PIEZO2: variants seen among roughly 807,000 people sequenced by gnomAD.
PIEZO2 encodes piezo-type mechanosensitive ion channel component 2.
A neutral mutation model predicts 337.3 loss-of-function variants in PIEZO2; 172 were observed. The ratio of observed to expected loss-of-function variants is 0.51; its 90% CI spans 0.45 to 0.58. The LOEUF (loss-of-function observed/expected upper bound fraction) is 0.58. Ranked by LOEUF, PIEZO2 falls within the 20% of genes least tolerant of loss-of-function variation. The pLI is 0.00. For missense variants in PIEZO2, 3,028 were observed against 3,391.3 expected, an observed-to-expected ratio of 0.89 and a Z score of 2.66; for synonymous variants, 1,251 against 1,228.5, an observed-to-expected ratio of 1.02 and a Z score of -0.38.
intron 1 of PIEZO2, among the ~76,000 whole-genome samples, chr18:11,085,661 C>T (rs2038882747): frequency 6.6e-6 from 1 of 152,136 alleles, no homozygotes; most frequent in Non-Finnish European, 1.5e-5. Flanking sequence ...ATCTCCTAAC[C>T]TTCCTTCCTC....
rs556684656 is a variant in PIEZO2 at position 10,874,665 on chromosome 18, C to T, written c.330-3250G>A. Among the ~76,000 whole-genome samples the T allele has an allele frequency of 7.8e-4, 119 of 152,150 alleles. 1 individual carries two copies. Among genetic ancestry groups the T allele is most frequent in the Non-Finnish European group, 1.3e-3 (91 of 67,974 alleles). Reference sequence around the variant, plus strand: ...AAAAAGAATGAAATCCTGTAATTTGCAGCAACATGGAAGAAACTAGAGGTC... The same window carrying T: ...AAAAAGAATGAAATCCTGTAATTTGTAGCAACATGGAAGAAACTAGAGGTC... On this transcript the variant is annotated intron_variant, in intron 4 of 55. Transcript: ENST00000674853.
chr18:10,704,360 G>A (rs937162906), intron 42 of PIEZO2, 34 bp downstream of exon 42: 9 of 1,533,064 alleles, frequency 5.9e-6, no homozygotes, highest in Admixed American at 2.0e-5. Flanking sequence ...ATAGCCGCCT[G>A]AAGCCATCCA....
In PIEZO2 at chr18:11,116,292, CAG is replaced by C. The variant is rs766880806; in HGVS notation, c.64+32231_64+32232del. ...AGGAGTTTGGGGATCCCAGGAAGGG[CAG>C]AGTTTCTCTGAGCCCCAAAACCACT... On this transcript the variant is annotated intron_variant, in intron 1 of 55. Coordinates refer to ENST00000674853, the MANE Select transcript of PIEZO2 (RefSeq NM_001378183.1). This position sits in a 1 kb window ranked among gnomAD's most constrained non-coding sequence, Gnocchi z 5.0. Among the ~76,000 whole-genome samples, 13 of 152,132 alleles carry C rather than the reference CAG, an allele frequency of 8.5e-5. No individual in the cohort carries two copies. The highest frequency in any genetic ancestry group is 1.3e-4 in the Non-Finnish European group (9 of 68,016).
Position 11,001,249 on chromosome 18 carries a change from T to TGG in PIEZO2, c.161-21591_161-21590dup, listed in dbSNP as rs2035522409. On this transcript the variant is annotated intron_variant, in intron 2 of 55. Transcript: ENST00000674853. This position sits in a 1 kb window ranked among gnomAD's most constrained non-coding sequence, Gnocchi z 5.3. Reference sequence around the variant, plus strand: ...GGTCTCCAGCTCAGAAGGTACTTTATGGCTTATGGTGGATTTTTATGCATG... The same window carrying TGG: ...GGTCTCCAGCTCAGAAGGTACTTTATGGGGCTTATGGTGGATTTTTATGCATG... Among the ~76,000 whole-genome samples the TGG allele has an allele frequency of 6.6e-6, 1 of 152,192 alleles. No homozygotes were observed. The highest frequency in any genetic ancestry group is 6.5e-5 in the Admixed American group (1 of 15,286).
At position 10,815,414 on chromosome 18, in the gene PIEZO2, C is replaced by T. The variant is rs1047814650; in HGVS notation, c.918-8140G>A. ...CAATTTCCTCATTTGGAAAATGAGG[C>T]TAGTAAATAACGTATCTCAAAGAGG... On this transcript the variant is annotated intron_variant, in intron 7 of 55. Coordinates refer to ENST00000674853, the MANE Select transcript of PIEZO2 (RefSeq NM_001378183.1). This position sits in a 1 kb window ranked among gnomAD's most constrained non-coding sequence, Gnocchi z 4.1. 2.6e-5 allele frequency among the ~76,000 whole-genome samples: 4 copies of T among 152,146 alleles called. No individual in the cohort carries two copies. The highest frequency in any genetic ancestry group is 4.4e-5 in the Non-Finnish European group (3 of 68,026).
At chr18:10,897,468 C>A (rs543075849) in intron 4 of PIEZO2, among the ~76,000 whole-genome samples, 1 of 152,164 alleles carries the variant, frequency 6.6e-6, no homozygotes, top group Non-Finnish European at 1.5e-5. Context: ...GGATTACAGG[C>A]GTGAGCCACC....
chr18:10,826,044 C>G (rs557809110), intron 7 of PIEZO2, among the ~76,000 whole-genome samples: 1 of 152,294 alleles, frequency 6.6e-6, no homozygotes, highest in South Asian at 2.1e-4. Context: ...AGGTTTTACT[C>G]CAATACAACT....
chr18:10,684,466 GTTTTTT>G (rs58939994), intron 49 of PIEZO2, among the ~76,000 whole-genome samples: 131 of 135,874 alleles, frequency 9.6e-4, no homozygotes, highest in Admixed American at 3.1e-3. Context: ...CGCCCGGCCT[GTTTTTT>G]TTTTTTTTTT....
At chr18:11,052,024 AG>A (rs763410076) in intron 2 of PIEZO2, among the ~76,000 whole-genome samples, 28 of 152,198 alleles carry the variant, frequency 1.8e-4, no homozygotes, top group Admixed American at 5.2e-4. Flanking sequence ...CTTTAATTTC[AG>A]TGCCTCCTTA....
intron 7 of PIEZO2, among the ~76,000 whole-genome samples, chr18:10,848,429 G>A (rs555301225): frequency 1.4e-4 from 21 of 152,332 alleles, no homozygotes; most frequent in African/African-American, 4.6e-4. Flanking sequence ...TGACAGAAAC[G>A]TGAGCTTTTC....
intron 35 of PIEZO2, among the ~76,000 whole-genome samples, chr18:10,734,913 AGATGT>A (rs1474668878): frequency 6.6e-6 from 1 of 152,226 alleles, no homozygotes; most frequent in Non-Finnish European, 1.5e-5. Flanking sequence ...TCATGCAACC[AGATGT>A]GACCCTTTTA....
chr18:10,782,331 A>T (rs1327151920), intron 17 of PIEZO2, among the ~76,000 whole-genome samples: 7 of 89,380 alleles, frequency 7.8e-5, no homozygotes, highest in Non-Finnish European at 1.3e-4. Flanking sequence ...TTATAATTAT[A>T]TATAAATAAT....
intron 2 of PIEZO2, among the ~76,000 whole-genome samples, chr18:11,004,448 A>G (rs192788836): frequency 1.0e-3 from 159 of 152,300 alleles, no homozygotes; most frequent in Non-Finnish European, 1.1e-3. Flanking sequence ...CTCAGGGAGT[A>G]GCCATGTGGG....
chr18:10,837,848 T>A lies in PIEZO2; in HGVS notation c.917+17505A>T, dbSNP rs1204329881. ...CTCACTGCAACCTCCACCTCCCAGG[T>A]TCAAGTGATTCTCCTGCCTCAGCCT... is the stretch of plus-strand genomic sequence containing the variant. On this transcript the variant is annotated intron_variant, in intron 7 of 55. Coordinates refer to ENST00000674853, the MANE Select transcript of PIEZO2 (RefSeq NM_001378183.1). This position sits in a 1 kb window ranked among gnomAD's most constrained non-coding sequence, Gnocchi z 4.4. 6.6e-6 allele frequency among the ~76,000 whole-genome samples: 1 copy of A among 152,054 alleles called. No individual in the cohort carries two copies. The highest frequency in any genetic ancestry group is 1.5e-5 in the Non-Finnish European group (1 of 68,020).
At chr18:10,944,645 C>A (rs1166645886) in intron 3 of PIEZO2, among the ~76,000 whole-genome samples, 1 of 149,640 alleles carries the variant, frequency 6.7e-6, no homozygotes, top group Non-Finnish European at 1.5e-5. Flanking sequence ...AGCAGATTGC[C>A]TAAAAAGGAG....
rs2035999823 is a variant in PIEZO2 at position 10,716,074 on chromosome 18, C to A, written c.5090-258G>T. ...TTAGTGGAAACAGAAAGCAGGGCGG[C>A]TCCCTGTGCAGCTGACCCTTGAACA... On this transcript the variant is annotated intron_variant, in intron 37 of 55. Coordinates refer to ENST00000674853, the MANE Select transcript of PIEZO2 (RefSeq NM_001378183.1). This position sits in a 1 kb window ranked among gnomAD's most constrained non-coding sequence, Gnocchi z 4.1. Among the ~76,000 whole-genome samples, 6 of 152,196 alleles carry A rather than the reference C, an allele frequency of 3.9e-5. No individual in the cohort carries two copies. The highest frequency in any genetic ancestry group is 3.9e-4 in the Admixed American group (6 of 15,284).
intron 7 of PIEZO2, among the ~76,000 whole-genome samples, chr18:10,841,180 A>AT (rs1334627203): frequency 1.3e-5 from 2 of 152,198 alleles, no homozygotes; most frequent in African/African-American, 4.8e-5. Flanking sequence ...TTTGGCAGAC[A>AT]TTGCATATCA....
intron 36 of PIEZO2, among the ~76,000 whole-genome samples, chr18:10,723,882 G>A (rs898288140): frequency 2.4e-4 from 36 of 152,322 alleles, no homozygotes; most frequent in South Asian, 4.1e-4. Flanking sequence ...AGGAGAGAGG[G>A]TATTCTGGGG....
chr18:10,901,812 C>T (rs186763565), intron 4 of PIEZO2, among the ~76,000 whole-genome samples: 1 of 152,050 alleles, frequency 6.6e-6, no homozygotes, highest in African/African-American at 2.4e-5. Flanking sequence ...TTGAATCTAT[C>T]AAATACAAAG....
Sources: allele counts gnomAD v4.1 joint callset (sites outside exome capture counted in the v4.1 genomes callset), GRCh38; gene constraint gnomAD v4.1.1; non-coding constraint Gnocchi (gnomAD v3.1); transcripts MANE v1.5; gene names NCBI Gene and HGNC (gene_info 2026-07-23, HGNC 2026-07-21).